The following CDC42BPB variants were observed in gnomAD, a reference collection of about 807,000 sequenced individuals.
The protein encoded by CDC42BPB is CDC42 binding protein kinase beta.
CDC42BPB carries 37 observed loss-of-function variants against 214.9 expected under a neutral mutation model. The observed-to-expected ratio is 0.17, with a 90% CI of 0.13 to 0.23. The LOEUF is 0.23. Ranked by LOEUF, CDC42BPB falls within the 10% of genes least tolerant of loss-of-function variation. The probability of loss-of-function intolerance (pLI) is 1.00; values close to 1 mark genes in which losing one functional copy is unlikely to be tolerated. For missense variants in CDC42BPB, 1,694 were observed against 2,227.0 expected (o/e 0.76, Z 4.82); for synonymous variants, 931 against 884.0 (o/e 1.05, Z -0.94).
intron 1 of CDC42BPB, among the ~76,000 whole-genome samples, chr14:103,013,706 G>C (rs529057115): frequency 6.6e-6 from 1 of 152,332 alleles, no homozygotes; most frequent in South Asian, 2.1e-4. Context: ...CACACAAGGA[G>C]CGCCAAGCAT....
intron 13 of CDC42BPB, among the ~76,000 whole-genome samples, chr14:102,971,042 C>A (rs891004937): frequency 6.6e-6 from 1 of 152,202 alleles, no homozygotes; most frequent in Non-Finnish European, 1.5e-5. Context: ...GGGCTGCAAA[C>A]CCTGGGGTCC....
intron 5 of CDC42BPB, among the ~76,000 whole-genome samples, chr14:102,987,347 C>T (rs191924563): frequency 9.2e-5 from 14 of 152,322 alleles, no homozygotes; most frequent in African/African-American, 3.4e-4. Flanking sequence ...AGCATGAATG[C>T]TTTTTTCTGG....
chr14:103,052,790 C>A (rs937555734), intron 1 of CDC42BPB, among the ~76,000 whole-genome samples: 3 of 152,228 alleles, frequency 2.0e-5, no homozygotes, highest in Non-Finnish European at 4.4e-5. Flanking sequence ...GCAGCCAGGG[C>A]AGAGGACCAC....
rs74085587 is a variant in CDC42BPB, at chr14:102,990,196, C to A, written c.597-3616G>T. 6.0e-3 allele frequency among the ~76,000 whole-genome samples: 915 copies of A among 152,224 alleles called. 13 individuals are homozygous for A. The highest frequency in any genetic ancestry group is 0.021 in the African/African-American group (873 of 41,528). Reference sequence around the variant, plus strand: ...GAAAACTGATTCAAACCAATGAATCCAACTGTATTTCAAATAAATAACAAC... The same window carrying A: ...GAAAACTGATTCAAACCAATGAATCAAACTGTATTTCAAATAAATAACAAC... On this transcript the variant is annotated intron_variant, in intron 5 of 36. Transcript: ENST00000361246.
chr14:103,041,458 T>A (rs1179541596), intron 1 of CDC42BPB: 1 of 1,090,176 alleles, frequency 9.2e-7, no homozygotes, highest in African/African-American at 1.5e-5. Flanking sequence ...CAGAAGGGGC[T>A]CTAGGCAGCC....
chr14:102,948,956 C>A (rs1566849142), intron 26 of CDC42BPB, among the ~76,000 whole-genome samples: 1 of 152,028 alleles, frequency 6.6e-6, no homozygotes, highest in Non-Finnish European at 1.5e-5. Context: ...GCCGACTCAC[C>A]CTCGCTGTCC....
intron 1 of CDC42BPB, among the ~76,000 whole-genome samples, chr14:103,053,605 CA>C (rs370364579): frequency 0.046 from 6,937 of 149,840 alleles, 184 homozygotes; most frequent in Middle Eastern, 0.054. Flanking sequence ...ACTAAAAATA[CA>C]AAAAAATTAG....
At chr14:103,003,647 T>C (rs1895095951) in intron 4 of CDC42BPB, among the ~76,000 whole-genome samples, 1 of 152,208 alleles carries the variant, frequency 6.6e-6, no homozygotes, top group South Asian at 2.1e-4. Flanking sequence ...AGATTGAAAG[T>C]GTTTCAAACT....
intron 1 of CDC42BPB, among the ~76,000 whole-genome samples, chr14:103,019,883 C>T (rs919053837): frequency 6.6e-6 from 1 of 152,170 alleles, no homozygotes; most frequent in African/African-American, 2.4e-5. Flanking sequence ...AAATGGAGCC[C>T]AGTGCTCCCT....
intron 2 of CDC42BPB, among the ~76,000 whole-genome samples, chr14:103,011,204 C>A (rs867065695): frequency 6.6e-6 from 1 of 152,216 alleles, no homozygotes; most frequent in Non-Finnish European, 1.5e-5. Flanking sequence ...CACCGTGCCA[C>A]GGGCCTCCTG....
chr14:103,022,521 A>G (rs1315840793), intron 1 of CDC42BPB, among the ~76,000 whole-genome samples: 1 of 152,142 alleles, frequency 6.6e-6, no homozygotes, highest in African/African-American at 2.4e-5. Flanking sequence ...CACGCCCGGG[A>G]GATGTTTGAA....
intron 1 of CDC42BPB, among the ~76,000 whole-genome samples, chr14:103,031,739 CA>C (rs1342710105): frequency 6.6e-6 from 1 of 152,170 alleles, no homozygotes; most frequent in African/African-American, 2.4e-5. Context: ...GCCTGATGTG[CA>C]GGTAGAATGC....
At chr14:102,977,566 C>A (rs1303952595) in intron 9 of CDC42BPB, among the ~76,000 whole-genome samples, 2 of 152,160 alleles carry the variant, frequency 1.3e-5, no homozygotes, top group African/African-American at 4.8e-5. Context: ...TGCAAAGAGG[C>A]CCATTTGGGA....
Position 102,944,535 on chromosome 14 carries a change from C to A in CDC42BPB, c.3812-48G>T. The A allele has an allele frequency of 6.4e-7, 1 of 1,571,680 alleles. No homozygotes were observed. The highest frequency in any genetic ancestry group is 8.6e-7 in the Non-Finnish European group (1 of 1,157,892). ...GTGAGGCCGACGGGACAGCCAGCAG[C>A]TCCCAGGGGCTGACGGCCTTGGCTA... On this transcript the variant is annotated intron_variant, in intron 29 of 36. Transcript: ENST00000361246. The surrounding 1 kb of genome is among the most constrained non-coding windows in gnomAD (Gnocchi z 6.6).
rs34227842 is a variant in CDC42BPB, at chr14:102,934,450, C to T, written c.5005-607G>A. On this transcript the variant is annotated intron_variant, in intron 36 of 36. Coordinates refer to ENST00000361246, the MANE Select transcript of CDC42BPB (RefSeq NM_006035.4). ...TGGGGAGGCTGAGGCAGGAGAATGGCGTGAACCCGGGAGGCGGAGCTTGCA... is the reference window on the plus strand; with the variant it reads ...TGGGGAGGCTGAGGCAGGAGAATGGTGTGAACCCGGGAGGCGGAGCTTGCA... Among the ~76,000 whole-genome samples, 262 of 152,266 alleles carry T rather than the reference C, an allele frequency of 1.7e-3. 3 individuals carry two copies. Among genetic ancestry groups the T allele is most frequent in the Non-Finnish European group, 2.9e-3 (194 of 68,022 alleles).
At chr14:102,980,655 C>T in intron 8 of CDC42BPB, 118 bp downstream of exon 8, 1 of 965,988 alleles carries the variant, frequency 1.0e-6, no homozygotes, top group Non-Finnish European at 1.6e-6. Flanking sequence ...AGCACACTGT[C>T]TTAAGTGCCA....
At position 102,980,715 on chromosome 14, in the gene CDC42BPB, C is replaced by T. The variant is rs1195565672; in HGVS notation, c.1140+58G>A. On this transcript the variant is annotated intron_variant, in intron 8 of 36. Transcript: ENST00000361246. Reference sequence around the variant, plus strand: ...GACTTGATAAGCAACGCCCTCAACACAGCACTGCATGTCAGACCCACAGCC... The same window carrying T: ...GACTTGATAAGCAACGCCCTCAACATAGCACTGCATGTCAGACCCACAGCC... The T allele has an allele frequency of 2.6e-6, 4 of 1,536,804 alleles. No homozygotes were observed. In the African/African-American group the frequency reaches 5.5e-5, roughly 21 times the overall value.
chr14:102,952,240 T>C (rs562186919), intron 24 of CDC42BPB, among the ~76,000 whole-genome samples: 2 of 152,282 alleles, frequency 1.3e-5, no homozygotes, highest in African/African-American at 4.8e-5. Context: ...GTCTGAGGTC[T>C]CAACTACTTG....
intron 1 of CDC42BPB, among the ~76,000 whole-genome samples, chr14:103,022,724 G>A (rs1262573084): frequency 6.6e-6 from 1 of 152,186 alleles, no homozygotes; most frequent in Non-Finnish European, 1.5e-5. Flanking sequence ...ACTGGCTTAA[G>A]TGTTAACAAT....
Sources: allele counts gnomAD v4.1 joint callset (sites outside exome capture counted in the v4.1 genomes callset), GRCh38; gene constraint gnomAD v4.1.1; non-coding constraint Gnocchi (gnomAD v3.1); transcripts MANE v1.5; gene names NCBI Gene and HGNC (gene_info 2026-07-23, HGNC 2026-07-21).